RASSF6: variants seen among roughly 807,000 people sequenced by gnomAD.
The protein encoded by RASSF6 is ras association domain-containing protein 6.
In RASSF6, 52 loss-of-function variants were observed where a neutral mutation model predicts 44.0. The observed-to-expected ratio is 1.18, with a 90% CI of 0.95 to 1.49. RASSF6 has a LOEUF of 1.49. Ranked by LOEUF, RASSF6 falls within the 40% of genes most tolerant of loss-of-function variation. RASSF6 has a pLI of 0.00. For synonymous variants in RASSF6, 162 were observed against 124.6 expected (o/e 1.30, Z -2.00); for missense variants, 464 against 393.3 (o/e 1.18, Z -1.52).
rs752454604 is a variant in RASSF6, at chr4:73,576,327, G to A, written c.939-17C>T. 6.6e-7 allele frequency: 1 copy of A among 1,514,828 alleles called. No individual in the cohort carries two copies. The highest frequency in any genetic ancestry group is 2.3e-5 in the East Asian group (1 of 44,296). 93.8% of individuals were successfully genotyped at this position (1,514,828 alleles called of 1,614,324 possible). A position where few individuals can be genotyped will look rare whatever the true frequency, so the allele number is the denominator to read the frequency against. On this transcript the variant is annotated splice_polypyrimidine_tract_variant and intron_variant, in intron 10 of 10. Transcript: ENST00000307439. ...TTATTGAATCTGAAAATGAGAAGAA[G>A]AAAGACTATTAAAAATTGGACATAT... is the stretch of plus-strand genomic sequence containing the variant.
chr4:73,587,606 A>AT (rs1156248148), intron 5 of RASSF6, among the ~76,000 whole-genome samples: 1 of 151,916 alleles, frequency 6.6e-6, no homozygotes, highest in Non-Finnish European at 1.5e-5. Context: ...ACATAATATA[A>AT]TTTTTTTAAG....
intron 1 of RASSF6, among the ~76,000 whole-genome samples, chr4:73,619,482 G>C (rs761519830): frequency 1.3e-5 from 2 of 152,072 alleles, no homozygotes; most frequent in Non-Finnish European, 2.9e-5. Flanking sequence ...CCCTGATAAC[G>C]GCCCCTTTGG....
intron 2 of RASSF6, among the ~76,000 whole-genome samples, chr4:73,599,862 G>C (rs1478509815): frequency 1.3e-5 from 2 of 152,060 alleles, no homozygotes; most frequent in Non-Finnish European, 2.9e-5. Flanking sequence ...CTGGTCTTCT[G>C]TTACCTCTTT....
chr4:73,593,393 A>G (rs971104876), intron 4 of RASSF6, 58 bp downstream of exon 4: 6 of 1,513,364 alleles, frequency 4.0e-6, no homozygotes, highest in South Asian at 1.2e-5. Context: ...AGTGCACGCA[A>G]TAAAACTAGA....
At chr4:73,584,037 C>T (rs1286840370) in intron 6 of RASSF6, among the ~76,000 whole-genome samples, 1 of 152,084 alleles carries the variant, frequency 6.6e-6, no homozygotes, top group Non-Finnish European at 1.5e-5. Context: ...TGACATACAA[C>T]ACAATTTCTG....
chr4:73,576,738 T>C lies in RASSF6; in HGVS notation c.722-7A>G, dbSNP rs529466574. ...TTCTTTAGTCGTCTTTGTTCTGCAG[T>C]GAAAACAAGAATCAACCACAATCAG... On this transcript the variant is annotated splice_region_variant and splice_polypyrimidine_tract_variant and intron_variant, in intron 8 of 10. Coordinates refer to ENST00000307439, the MANE Select transcript of RASSF6 (RefSeq NM_177532.5). The C allele has an allele frequency of 3.0e-5, 45 of 1,519,040 alleles. No individual in the cohort carries two copies. Among genetic ancestry groups the C allele is most frequent in the Admixed American group, 1.6e-4 (9 of 55,468 alleles). 94.1% of individuals were successfully genotyped at this position (1,519,040 alleles called of 1,614,324 possible).
Position 73,587,913 on chromosome 4 carries a change from A to T in RASSF6, c.309T>A (p.Phe103Leu), listed in dbSNP as rs1324875827. ...SSKGMTRWGEFDDLYRISELD... is the reference protein window; with the variant it reads ...SSKGMTRWGELDDLYRISELD... ...GCTCACTAATACGATAGAGATCGTCAAATTCCCCCCAGCGTGTCATTCTGA... is the reference window on the plus strand; with the variant it reads ...GCTCACTAATACGATAGAGATCGTCTAATTCCCCCCAGCGTGTCATTCTGA... The change falls in exon 5 of 11, where the codon TTT (phenylalanine) becomes TTA (leucine). Residue 103 changes from phenylalanine (F) to leucine (L), a missense_variant. Physicochemically the swap from Phe to Leu is conservative, Grantham distance 22. Coordinates refer to ENST00000307439, the MANE Select transcript of RASSF6 (RefSeq NM_177532.5). 3 of 1,609,422 alleles carry T rather than the reference A, an allele frequency of 1.9e-6. No homozygotes were observed. The Admixed American group carries it at 5.0e-5, about 27-fold the overall frequency.
chr4:73,592,409 G>A (rs1724622042), intron 4 of RASSF6, among the ~76,000 whole-genome samples: 1 of 152,152 alleles, frequency 6.6e-6, no homozygotes, highest in African/African-American at 2.4e-5. Flanking sequence ...GGAAAAGAAG[G>A]CTTGGTATCT....
chr4:73,608,849 C>T (rs1201692073), intron 2 of RASSF6, among the ~76,000 whole-genome samples: 2 of 152,208 alleles, frequency 1.3e-5, no homozygotes, highest in Non-Finnish European at 2.9e-5. Context: ...GCAAACATTG[C>T]CTTCTGGCTG....
At chr4:73,600,505 T>G (rs1725211101) in intron 2 of RASSF6, among the ~76,000 whole-genome samples, 1 of 152,204 alleles carries the variant, frequency 6.6e-6, no homozygotes, top group Non-Finnish European at 1.5e-5. Context: ...GCAGGGAGTT[T>G]GGTCCACTTT....
At chr4:73,594,618 G>A (rs1724810687) in intron 3 of RASSF6, among the ~76,000 whole-genome samples, 1 of 152,084 alleles carries the variant, frequency 6.6e-6, no homozygotes, top group African/African-American at 2.4e-5. Context: ...TTATTTCTTT[G>A]GCTGATAAAC....
chr4:73,603,488 G>A (rs921488512), intron 2 of RASSF6, among the ~76,000 whole-genome samples: 1 of 152,014 alleles, frequency 6.6e-6, no homozygotes, highest in Non-Finnish European at 1.5e-5. Flanking sequence ...GGCAGGTCAG[G>A]GGGAGGGATG....
intron 2 of RASSF6, among the ~76,000 whole-genome samples, chr4:73,606,637 T>C (rs907166969): frequency 3.2e-4 from 7 of 21,692 alleles, no homozygotes; most frequent in Non-Finnish European, 6.0e-4. Flanking sequence ...ACAAGCCTTA[T>C]AGTTTTTTTT....
At chr4:73,611,395 T>A (rs138121602) in intron 2 of RASSF6, among the ~76,000 whole-genome samples, 70 of 152,272 alleles carry the variant, frequency 4.6e-4, no homozygotes, top group African/African-American at 1.7e-3. Flanking sequence ...GGACATAATG[T>A]TTTTGGCCCT....
intron 3 of RASSF6, among the ~76,000 whole-genome samples, chr4:73,596,916 C>T (rs745972493): frequency 1.3e-5 from 2 of 152,144 alleles, no homozygotes; most frequent in African/African-American, 4.8e-5. Flanking sequence ...AACTGGCTGG[C>T]CATATGCAGA....
chr4:73,581,964 C>A, intron 7 of RASSF6, 96 bp from the exon 8 acceptor site: 1 of 925,790 alleles, frequency 1.1e-6, no homozygotes, highest in South Asian at 1.8e-5. Flanking sequence ...TTCTCTCTTC[C>A]ATTTTTCACT....
intron 2 of RASSF6, chr4:73,604,689 A>T (rs1410736209): frequency 6.6e-6 from 1 of 152,184 alleles, no homozygotes; most frequent in Admixed American, 6.5e-5. Flanking sequence ...AAGCTATTTA[A>T]CAATTTCATA....
rs532167332 is a variant in RASSF6 at position 73,611,386 on chromosome 4, G to A, written c.65+345C>T. 6.6e-5 allele frequency among the ~76,000 whole-genome samples: 10 copies of A among 152,272 alleles called. No homozygotes were observed. The South Asian group carries it at 1.9e-3, about 28-fold the overall frequency. On this transcript the variant is annotated intron_variant, in intron 2 of 10. Coordinates refer to ENST00000307439, the MANE Select transcript of RASSF6 (RefSeq NM_177532.5). The stretch of plus-strand genomic sequence containing the variant: ...GCAAGGGATGGAGAGGTTAGGACAG[G>A]ACATAATGTTTTTGGCCCTGGGGTT...
At position 73,573,921 on chromosome 4, in the gene RASSF6, C is replaced by T. The variant is rs1288247602; in HGVS notation, c.*2314G>A. On this transcript the variant is annotated 3_prime_UTR_variant, in exon 11 of 11. Transcript: ENST00000307439. ...GAGACACACTGCAAGAGGAAGGGGT[C>T]TTTCCTGATTCCTCCAGGCTGACAG... 6.6e-6 allele frequency: 1 copy of T among 152,262 alleles called. No individual in the cohort carries two copies. The highest frequency in any genetic ancestry group is 1.5e-5 in the Non-Finnish European group (1 of 68,086). The allele number at this position is 152,262 out of a possible 1,614,324, so 9.4% of individuals were successfully genotyped here.
Sources: gnomAD v4.1 joint callset for allele counts (sites outside exome capture counted in the v4.1 genomes callset) on GRCh38, gnomAD v4.1.1 for gene constraint, MANE v1.5 for transcripts, NCBI Gene and HGNC (gene_info 2026-07-23, HGNC 2026-07-21) for gene names.